The following ANKRD52 variants were observed in gnomAD, a reference collection of about 807,000 sequenced individuals.
The protein encoded by ANKRD52 is ankyrin repeat domain 52, also known as serine/threonine-protein phosphatase 6 regulatory ankyrin repeat subunit C.
Under a neutral mutation model 116.0 loss-of-function variants are expected in ANKRD52, and 7 were observed. The ratio of observed to expected loss-of-function variants is 0.06; its 90% CI spans 0.03 to 0.11. ANKRD52 has a LOEUF of 0.11. Among genes scored for constraint, ANKRD52 ranks in the 10% least tolerant of loss-of-function variants. The pLI is 1.00. For synonymous variants in ANKRD52, 528 were observed against 578.1 expected (o/e 0.91, Z 1.24); for missense variants, 839 against 1,408.6 (o/e 0.60, Z 6.47).
chr12:56,250,123 G>T (rs568893170), intron 15 of ANKRD52, among the ~76,000 whole-genome samples: 1 of 152,106 alleles, frequency 6.6e-6, no homozygotes, highest in African/African-American at 2.4e-5. Flanking sequence ...CTTGAACCCC[G>T]GAGGTAGAGG....
At position 56,243,933 on chromosome 12, in the gene ANKRD52, C is replaced by G. The variant is rs1017429109; in HGVS notation, c.2889-57G>C. Reference sequence around the variant, plus strand: ...GCTAAGCTGCCCTTCCACCTCCAGACAGGGTGGCAAGGGTGCTGAACAAAT... The same window carrying G: ...GCTAAGCTGCCCTTCCACCTCCAGAGAGGGTGGCAAGGGTGCTGAACAAAT... On this transcript the variant is annotated intron_variant, in intron 26 of 27. Coordinates refer to ENST00000267116, the MANE Select transcript of ANKRD52 (RefSeq NM_173595.4). This position sits in a 1 kb window ranked among gnomAD's most constrained non-coding sequence, Gnocchi z 4.6. 11 of 1,596,834 alleles carry G rather than the reference C, an allele frequency of 6.9e-6. No homozygotes were observed. The East Asian group carries it at 1.3e-4, about 20-fold the overall frequency.
chr12:56,257,172 G>A (rs2135895106), intron 3 of ANKRD52, 87 bp from the exon 4 acceptor site: 2 of 1,557,516 alleles, frequency 1.3e-6, no homozygotes, highest in South Asian at 2.3e-5. Flanking sequence ...TCTGAATGGA[G>A]CTGGAGCCTC....
rs1338745445 is a variant in ANKRD52, at chr12:56,248,685, C to A, written c.1704+74G>T. The stretch of plus-strand genomic sequence containing the variant: ...ATCCAAAGACCACATTTGATTGAAC[C>A]CTTAGTTTTGGAATCCACAAACCCT... On this transcript the variant is annotated intron_variant, in intron 16 of 27. Transcript: ENST00000267116. The surrounding 1 kb of genome is among the most constrained non-coding windows in gnomAD (Gnocchi z 5.1). 3 of 1,495,952 alleles carry A rather than the reference C, an allele frequency of 2.0e-6. No individual in the cohort carries two copies. The highest frequency in any genetic ancestry group is 2.7e-6 in the Non-Finnish European group (3 of 1,093,886). The allele number at this position is 1,495,952 out of a possible 1,614,324, so 92.7% of individuals were successfully genotyped here.
In ANKRD52 at chr12:56,252,869, G is replaced by A; in HGVS notation, c.1212C>T (p.Leu404=). 1 of 1,613,976 alleles carries A rather than the reference G, an allele frequency of 6.2e-7. No individual in the cohort carries two copies. Among genetic ancestry groups the A allele is most frequent in the Non-Finnish European group, 8.5e-7 (1 of 1,179,882 alleles). Residue 404 remains leucine (L), a synonymous_variant, in exon 12 of 28, where the codon CTC becomes CTT. Coordinates refer to ENST00000267116, the MANE Select transcript of ANKRD52 (RefSeq NM_173595.4). This position sits in a 1 kb window ranked among gnomAD's most constrained non-coding sequence, Gnocchi z 4.7. ...SGQLYSIVSS[L]SNEHVLSAGF... ...CAGCTGAAAGCACATGCTCATTGCT[G>A]AGTGAAGACACAATGCTGTACAACT...
Position 56,248,663 on chromosome 12 carries a change from C to G in ANKRD52, c.1704+96G>C. 6.7e-7 allele frequency: 1 copy of G among 1,487,372 alleles called. No individual in the cohort carries two copies. Among genetic ancestry groups the G allele is most frequent in the South Asian group, 1.2e-5 (1 of 83,084 alleles). 92.1% of individuals were successfully genotyped at this position (1,487,372 alleles called of 1,614,324 possible). A position where few individuals can be genotyped will look rare whatever the true frequency, so the allele number is the denominator to read the frequency against. On this transcript the variant is annotated intron_variant, in intron 16 of 27. Transcript: ENST00000267116. This position sits in a 1 kb window ranked among gnomAD's most constrained non-coding sequence, Gnocchi z 5.1. ...GTAATCCCCACTAAGCCTCTGGATC[C>G]AAAGACCACATTTGATTGAACCCTT...
At position 56,252,648 on chromosome 12, in the gene ANKRD52, G is replaced by C; in HGVS notation, c.1302-78C>G. 1.3e-6 allele frequency: 2 copies of C among 1,549,398 alleles called. No homozygotes were observed. The highest frequency in any genetic ancestry group is 1.8e-6 in the Non-Finnish European group (2 of 1,123,602). On this transcript the variant is annotated intron_variant, in intron 12 of 27. Coordinates refer to ENST00000267116, the MANE Select transcript of ANKRD52 (RefSeq NM_173595.4). The surrounding 1 kb of genome is among the most constrained non-coding windows in gnomAD (Gnocchi z 4.7). ...CCAGGGTGGGGCTAAGGAAGGATGG[G>C]ACTAGCAAGCCCTTTCTGCTGTGAC...
At position 56,244,784 on chromosome 12, in the gene ANKRD52, C is replaced by T. The variant is rs775259024; in HGVS notation, c.2590G>A (p.Ala864Thr). Residue 864 changes from alanine (A) to threonine (T), a missense_variant, in exon 24 of 28, where the codon GCC (alanine) becomes ACC (threonine). Ala to Thr is a moderately conservative substitution (Grantham distance 58). Coordinates refer to ENST00000267116, the MANE Select transcript of ANKRD52 (RefSeq NM_173595.4). The surrounding 1 kb of genome is among the most constrained non-coding windows in gnomAD (Gnocchi z 4.9). ...GAGACATTGTCCGCGAAGGCAGCGG[C>T]GTGAAGGGGGGTCCTGTAAGGCAGG... ...RDAKGRTPLHAAAFADNVSGL... is the reference protein window; with the variant it reads ...RDAKGRTPLHTAAFADNVSGL... The T allele has an allele frequency of 1.2e-6, 2 of 1,613,750 alleles. No homozygotes were observed. The highest frequency in any genetic ancestry group is 1.1e-5 in the South Asian group (1 of 91,080).
At chr12:56,250,554 A>T (rs2135886727) in intron 15 of ANKRD52, among the ~76,000 whole-genome samples, 1 of 151,824 alleles carries the variant, frequency 6.6e-6, no homozygotes, top group East Asian at 1.9e-4. Context: ...CCCAGCAAAA[A>T]ATAAACTTTT....
intron 15 of ANKRD52, among the ~76,000 whole-genome samples, chr12:56,249,283 G>A (rs2135884947): frequency 6.6e-6 from 1 of 152,282 alleles, no homozygotes; most frequent in African/African-American, 2.4e-5. Context: ...CCTCTGTGAG[G>A]CCTTTCCCAG....
intron 20 of ANKRD52, among the ~76,000 whole-genome samples, chr12:56,246,968 AAT>A (rs1565608707): frequency 2.1e-5 from 3 of 141,064 alleles, no homozygotes; most frequent in East Asian, 4.0e-4. Flanking sequence ...TAATAATAAT[AAT>A]AATAAACAAA....
Position 56,255,070 on chromosome 12 carries a change from C to T in ANKRD52, c.463-118G>A. ...GCAGCCTAATGCCTTTTTCCATGAG[C>T]AAAACAACCTGGAGGACTCGAGGGA... On this transcript the variant is annotated intron_variant, in intron 5 of 27. Transcript: ENST00000267116. This position sits in a 1 kb window ranked among gnomAD's most constrained non-coding sequence, Gnocchi z 4.3. The T allele has an allele frequency of 1.1e-6, 1 of 948,744 alleles. No individual in the cohort carries two copies. Among genetic ancestry groups the T allele is most frequent in the Non-Finnish European group, 1.6e-6 (1 of 617,526 alleles). 58.8% of individuals were successfully genotyped at this position (948,744 alleles called of 1,614,324 possible).
chr12:56,247,997 G>A (rs1255999461), intron 18 of ANKRD52, 26 bp downstream of exon 18: 1 of 1,566,162 alleles, frequency 6.4e-7, no homozygotes, highest in Non-Finnish European at 8.6e-7. Context: ...GCAAGGGTAG[G>A]GCAGCAGCCT....
Position 56,252,797 on chromosome 12 carries a change from A to G in ANKRD52, c.1284T>C (p.His428=), listed in dbSNP as rs775833013. The change falls in exon 12 of 28, where the codon CAT becomes CAC. Residue 428 remains histidine, a synonymous_variant. Coordinates refer to ENST00000267116, the MANE Select transcript of ANKRD52 (RefSeq NM_173595.4). The surrounding 1 kb of genome is among the most constrained non-coding windows in gnomAD (Gnocchi z 4.7). The part of the protein sequence containing the change: ...TPDNLGRTCL[H]AAASGGNVEC... ...GAACTCACCCTCCGGAAGCAGCAGC[A>G]TGAAGACAGGTACGGCCAAGGTTGT... 6.2e-7 allele frequency: 1 copy of G among 1,613,636 alleles called. No individual in the cohort carries two copies. The highest frequency in any genetic ancestry group is 1.3e-5 in the African/African-American group (1 of 74,930).
Position 56,248,696 on chromosome 12 carries a change from G to T in ANKRD52, c.1704+63C>A. 6.6e-7 allele frequency: 1 copy of T among 1,514,758 alleles called. No homozygotes were observed. Among genetic ancestry groups the T allele is most frequent in the Non-Finnish European group, 9.0e-7 (1 of 1,109,028 alleles). 93.8% of individuals were successfully genotyped at this position (1,514,758 alleles called of 1,614,324 possible). ...ACATTTGATTGAACCCTTAGTTTTG[G>T]AATCCACAAACCCTGTGCCCTGCCC... On this transcript the variant is annotated intron_variant, in intron 16 of 27. Coordinates refer to ENST00000267116, the MANE Select transcript of ANKRD52 (RefSeq NM_173595.4). The surrounding 1 kb of genome is among the most constrained non-coding windows in gnomAD (Gnocchi z 5.1).
At chr12:56,249,067 C>G (rs1301995462) in intron 15 of ANKRD52, among the ~76,000 whole-genome samples, 197 bp from the exon 16 acceptor site, 2 of 152,228 alleles carry the variant, frequency 1.3e-5, no homozygotes, top group African/African-American at 4.8e-5. Context: ...TCAAGGTCTG[C>G]CCTGAACCCC....
In ANKRD52 at chr12:56,252,415, T is replaced by C. The variant is rs1329246900; in HGVS notation, c.1370+87A>G. 6.3e-7 allele frequency: 1 copy of C among 1,592,614 alleles called. No individual in the cohort carries two copies. The highest frequency in any genetic ancestry group is 8.6e-7 in the Non-Finnish European group (1 of 1,161,322). ...GCTGCTTTGTAACATTCTCCTTATT[T>C]AAGTCTCCAATCTAAACCCTTCCTC... On this transcript the variant is annotated intron_variant, in intron 13 of 27. Coordinates refer to ENST00000267116, the MANE Select transcript of ANKRD52 (RefSeq NM_173595.4). The surrounding 1 kb of genome is among the most constrained non-coding windows in gnomAD (Gnocchi z 4.7).
At position 56,240,485 on chromosome 12, in the gene ANKRD52, GGGGA is replaced by G. The variant is rs1402466323; in HGVS notation, c.*2653_*2656del. The G allele has an allele frequency of 6.6e-6, 1 of 151,962 alleles. No individual in the cohort carries two copies. Among genetic ancestry groups the G allele is most frequent in the Non-Finnish European group, 1.5e-5 (1 of 67,986 alleles). 9.4% of individuals were successfully genotyped at this position (151,962 alleles called of 1,614,324 possible). ...GGGCTGCGGTGGGGAGAGGGGGGAG[GGGGA>G]GGGCAAAGGGAAGGCGCTGTTCCCT... On this transcript the variant is annotated 3_prime_UTR_variant, in exon 28 of 28. Transcript: ENST00000267116. The surrounding 1 kb of genome is among the most constrained non-coding windows in gnomAD (Gnocchi z 4.2).
rs1412258315 is a variant in ANKRD52, at chr12:56,248,651, A to G, written c.1705-85T>C. The G allele has an allele frequency of 6.7e-7, 1 of 1,491,794 alleles. No homozygotes were observed. The highest frequency in any genetic ancestry group is 2.0e-5 in the Admixed American group (1 of 50,902). The allele number at this position is 1,491,794 out of a possible 1,614,324, so 92.4% of individuals were successfully genotyped here. A position where few individuals can be genotyped will look rare whatever the true frequency, so the allele number is the denominator to read the frequency against. ...CCCCGACTCGCAGTAATCCCCACTA[A>G]GCCTCTGGATCCAAAGACCACATTT... On this transcript the variant is annotated intron_variant, in intron 16 of 27. Transcript: ENST00000267116. This position sits in a 1 kb window ranked among gnomAD's most constrained non-coding sequence, Gnocchi z 5.1.
chr12:56,257,840 G>A lies in ANKRD52; in HGVS notation c.99C>T (p.Asn33=). ...GCTCCCAACTCACCAGCACATTGAT[G>A]TTCTCCTTCTGCGAGAGTAGGGAAC... ...EVRSLLSQKE[N]INVLDQERRT... The change falls in exon 2 of 28, where the codon AAC becomes AAT. Residue 33 remains asparagine (N), a synonymous_variant. Transcript: ENST00000267116. 1 of 1,613,796 alleles carries A rather than the reference G, an allele frequency of 6.2e-7. No individual in the cohort carries two copies. The highest frequency in any genetic ancestry group is 8.5e-7 in the Non-Finnish European group (1 of 1,179,840).
Sources: allele counts gnomAD v4.1 joint callset (sites outside exome capture counted in the v4.1 genomes callset), GRCh38; gene constraint gnomAD v4.1.1; non-coding constraint Gnocchi (gnomAD v3.1); transcripts MANE v1.5; gene names NCBI Gene and HGNC (gene_info 2026-07-23, HGNC 2026-07-21).